TUT4: variants seen among roughly 807,000 people sequenced by gnomAD.
The protein encoded by TUT4 is terminal uridylyltransferase 4.
TUT4 carries 36 observed loss-of-function variants against 192.2 expected under a neutral mutation model. The observed-to-expected ratio is 0.19, with a 90% CI of 0.14 to 0.25. TUT4 has a LOEUF of 0.25. Ranked by LOEUF, TUT4 falls within the 10% of genes least tolerant of loss-of-function variation. The pLI, the probability that TUT4 is intolerant of heterozygous loss-of-function variation, is 1.00. For synonymous variants in TUT4, 618 were observed against 666.0 expected (o/e 0.93, Z 1.11); for missense variants, 1,493 against 1,957.2 (o/e 0.76, Z 4.47).
intron 28 of TUT4, among the ~76,000 whole-genome samples, chr1:52,428,617 C>T (rs558721036): frequency 7.3e-6 from 1 of 137,754 alleles, no homozygotes; most frequent in South Asian, 2.4e-4. Flanking sequence ...CAAAGCAAGA[C>T]TCCCTCTAAA....
At chr1:52,462,636 G>A in intron 16 of TUT4, 2 of 757,420 alleles carry the variant, frequency 2.6e-6, no homozygotes, top group Non-Finnish European at 3.2e-6. Context: ...TGTATGTAAA[G>A]CACTCAGCAG....
chr1:52,469,167 G>A (rs529429771), intron 14 of TUT4, among the ~76,000 whole-genome samples: 2 of 152,262 alleles, frequency 1.3e-5, no homozygotes, highest in South Asian at 4.1e-4. Flanking sequence ...CACAAAGAGT[G>A]AGCCTTAATG....
intron 11 of TUT4, among the ~76,000 whole-genome samples, chr1:52,480,848 G>A (rs1323276876): frequency 6.6e-6 from 1 of 152,178 alleles, no homozygotes; most frequent in Non-Finnish European, 1.5e-5. Context: ...GAATACAATA[G>A]TCAAGTATAT....
At chr1:52,488,826 G>A (rs962443358) in intron 9 of TUT4, 83 bp downstream of exon 9, 17 of 1,390,050 alleles carry the variant, frequency 1.2e-5, no homozygotes, top group Non-Finnish European at 1.6e-5. Flanking sequence ...TTACATGTCA[G>A]TACAAGAAAA....
chr1:52,528,825 C>T (rs550001319), intron 1 of TUT4, among the ~76,000 whole-genome samples: 151 of 152,242 alleles, frequency 9.9e-4, no homozygotes, highest in African/African-American at 3.5e-3. Context: ...AATGATCCTC[C>T]TGCCTCAGCC....
intron 4 of TUT4, among the ~76,000 whole-genome samples, chr1:52,499,665 T>C (rs553929420): frequency 6.6e-6 from 1 of 152,046 alleles, no homozygotes; most frequent in East Asian, 1.9e-4. Flanking sequence ...GCCCCGGAGG[T>C]GGAGGTTGCA....
In TUT4 at chr1:52,445,643, G is replaced by A. The variant is rs553472721; in HGVS notation, c.3822+144C>T. 4.7e-6 allele frequency: 3 copies of A among 637,436 alleles called. No individual in the cohort carries two copies. In the South Asian group the frequency reaches 6.5e-5, roughly 14 times the overall value. 39.5% of individuals were successfully genotyped at this position (637,436 alleles called of 1,614,324 possible). A position where few individuals can be genotyped will look rare whatever the true frequency, so the allele number is the denominator to read the frequency against. ...TTTTGAAAATATATATCTCACTATGGACTATGATAAATGCAATAAGAAAAA... is the reference window on the plus strand; with the variant it reads ...TTTTGAAAATATATATCTCACTATGAACTATGATAAATGCAATAAGAAAAA... On this transcript the variant is annotated intron_variant, in intron 24 of 29. Transcript: ENST00000257177.
chr1:52,492,360 T>C (rs1671385254), intron 7 of TUT4, among the ~76,000 whole-genome samples: 1 of 152,160 alleles, frequency 6.6e-6, no homozygotes, highest in African/African-American at 2.4e-5. Flanking sequence ...AAAAGCTCTC[T>C]CTTCTAACCC....
At position 52,431,389 on chromosome 1, in the gene TUT4, A is replaced by G. The variant is rs1652012524; in HGVS notation, c.4335T>C (p.Thr1445=). The G allele has an allele frequency of 6.2e-7, 1 of 1,614,032 alleles. No individual in the cohort carries two copies. The highest frequency in any genetic ancestry group is 1.7e-5 in the Admixed American group (1 of 60,004). ...PQNSSQSAAI[T]QPSSQPGSQP... Reference sequence around the variant, plus strand: ...GGGATCCTGGCTGAGATGAAGGCTGAGTAATAGCAGCTGACTGGGAAGAGT... The same window carrying G: ...GGGATCCTGGCTGAGATGAAGGCTGGGTAATAGCAGCTGACTGGGAAGAGT... The change falls in exon 28 of 30, where the codon ACT becomes ACC. Residue 1445 remains threonine (T), a synonymous_variant. Transcript: ENST00000257177.
At position 52,423,749 on chromosome 1, in the gene TUT4, T is replaced by C. The variant is rs1648816485; in HGVS notation, c.*186A>G. The C allele has an allele frequency of 7.1e-7, 1 of 1,407,126 alleles. No homozygotes were observed. Among genetic ancestry groups the C allele is most frequent in the African/African-American group, 1.4e-5 (1 of 70,018 alleles). The allele number at this position is 1,407,126 out of a possible 1,614,324, so 87.2% of individuals were successfully genotyped here. ...AATAATACAGTCTGTAAAAACAGTC[T>C]TAGAATTTAAATAAGCTATCTAAAC... On this transcript the variant is annotated 3_prime_UTR_variant, in exon 30 of 30. Coordinates refer to ENST00000257177, the MANE Select transcript of TUT4 (RefSeq NM_001009881.3).
At chr1:52,531,040 T>C (rs988708894) in intron 1 of TUT4, among the ~76,000 whole-genome samples, 1 of 152,080 alleles carries the variant, frequency 6.6e-6, no homozygotes, top group Non-Finnish European at 1.5e-5. Flanking sequence ...CTGCTTCCCC[T>C]GCACACTTTA....
intron 4 of TUT4, among the ~76,000 whole-genome samples, chr1:52,506,252 G>T (rs1164861323): frequency 6.6e-6 from 1 of 152,162 alleles, no homozygotes; most frequent in African/African-American, 2.4e-5. Context: ...CTGCATCTAT[G>T]TTCATGAGGA....
intron 1 of TUT4, among the ~76,000 whole-genome samples, chr1:52,541,942 C>T (rs1340187884): frequency 6.6e-6 from 1 of 152,112 alleles, no homozygotes; most frequent in Admixed American, 6.6e-5. Context: ...GTGAAGGCAA[C>T]CCAAGTATCC....
At chr1:52,446,180 C>T in intron 22 of TUT4, 85 bp downstream of exon 22, 4 of 1,420,388 alleles carry the variant, frequency 2.8e-6, no homozygotes, top group Non-Finnish European at 3.8e-6. Flanking sequence ...AAGAATCTTC[C>T]AAATCCTAAT....
chr1:52,446,696 G>C (rs766806652), intron 20 of TUT4, 29 bp from the exon 21 acceptor site: 1 of 1,540,744 alleles, frequency 6.5e-7, no homozygotes, highest in Non-Finnish European at 8.9e-7. Flanking sequence ...TGTATTATTA[G>C]ATTTCAAGTG....
chr1:52,502,569 TACTAGTC>T (rs1211367313), intron 4 of TUT4, among the ~76,000 whole-genome samples: 3 of 151,222 alleles, frequency 2.0e-5, no homozygotes, highest in African/African-American at 7.3e-5. Context: ...TTACACAATC[TACTAGTC>T]TGTGTTTTCA....
Position 52,474,812 on chromosome 1 carries a change from A to G in TUT4, c.2727+20T>C. ...CAACAACCACAAAATCTTACAGATC[A>G]TTTACAAACTGTATCCTACCTTGCC... On this transcript the variant is annotated intron_variant, in intron 13 of 29. Coordinates refer to ENST00000257177, the MANE Select transcript of TUT4 (RefSeq NM_001009881.3). 6.5e-7 allele frequency: 1 copy of G among 1,545,358 alleles called. No individual in the cohort carries two copies. Among genetic ancestry groups the G allele is most frequent in the Non-Finnish European group, 8.7e-7 (1 of 1,150,214 alleles).
chr1:52,469,223 A>ATGTAATGTAGAC (rs1557748872), intron 14 of TUT4, among the ~76,000 whole-genome samples: 1 of 152,184 alleles, frequency 6.6e-6, no homozygotes, highest in Non-Finnish European at 1.5e-5. Context: ...GGATCTCAGG[A>ATGTAATGTAGAC]TGTAATGTAG....
chr1:52,436,806 T>A lies in TUT4; in HGVS notation c.4111A>T (p.Arg1371Trp). ...GCCAGCTTGACCTCTGGGCACTCCC[T>A]TCGTACATGTCCAGCATCTCCACAT... ...FICGDAGHVR[R>W]ECPEVKLARQ... The change falls in exon 26 of 30, where the codon AGG (arginine) becomes TGG (tryptophan). Residue 1371 changes from arginine to tryptophan, a missense_variant. By Grantham distance (101) the Arg-to-Trp change is moderately radical. Transcript: ENST00000257177. 6.2e-7 allele frequency: 1 copy of A among 1,613,924 alleles called. No homozygotes were observed. Among genetic ancestry groups the A allele is most frequent in the East Asian group, 2.2e-5 (1 of 44,844 alleles).
Sources: gnomAD v4.1 joint callset for allele counts (sites outside exome capture counted in the v4.1 genomes callset) on GRCh38, gnomAD v4.1.1 for gene constraint, MANE v1.5 for transcripts, NCBI Gene and HGNC (gene_info 2026-07-23, HGNC 2026-07-21) for gene names.